The following ARHGAP15 variants were observed in gnomAD, a reference collection of about 807,000 sequenced individuals.
ARHGAP15 encodes the protein Rho GTPase activating protein 15.
A neutral mutation model predicts 63.7 loss-of-function variants in ARHGAP15; 51 were observed. The observed-to-expected ratio is 0.80, with a 90% confidence interval of 0.64 to 1.01. The LOEUF (loss-of-function observed/expected upper bound fraction) is 1.01, where lower values mean the gene tolerates loss of function less well. Ranked by LOEUF, ARHGAP15 falls within the 50% of genes least tolerant of loss-of-function variation. The probability of loss-of-function intolerance (pLI) is 0.00; values close to 1 mark genes in which losing one functional copy is unlikely to be tolerated. For missense variants in ARHGAP15, 560 were observed against 564.6 expected (o/e 0.99, Z 0.08); for synonymous variants, 191 against 193.8 (o/e 0.99, Z 0.12).
intron 6 of ARHGAP15, among the ~76,000 whole-genome samples, chr2:143,255,930 T>C (rs529611538): frequency 1.3e-5 from 2 of 152,254 alleles, no homozygotes; most frequent in East Asian, 3.9e-4. Context: ...CCCCAATCAT[T>C]TCATCTACCT....
intron 6 of ARHGAP15, among the ~76,000 whole-genome samples, chr2:143,386,304 A>G (rs1687284776): frequency 6.6e-6 from 1 of 152,178 alleles, no homozygotes; most frequent in South Asian, 2.1e-4. Flanking sequence ...CAAATATGCA[A>G]TTTTCCACTA....
At chr2:143,605,303 G>T (rs1414868899) in intron 11 of ARHGAP15, among the ~76,000 whole-genome samples, 3 of 152,162 alleles carry the variant, frequency 2.0e-5, no homozygotes, top group Non-Finnish European at 4.4e-5. Flanking sequence ...GAAGGATGGA[G>T]CTCTGACTCT....
chr2:143,434,476 G>A (rs959097659), intron 6 of ARHGAP15, among the ~76,000 whole-genome samples: 4 of 152,130 alleles, frequency 2.6e-5, no homozygotes, highest in African/African-American at 9.6e-5. Flanking sequence ...GAGCCATTTG[G>A]GGTAGTAATT....
chr2:143,432,167 G>A (rs56359133), intron 6 of ARHGAP15, among the ~76,000 whole-genome samples: 16,525 of 151,946 alleles, frequency 0.11, 1,233 homozygotes, highest in African/African-American at 0.21. Context: ...TCTACACAAT[G>A]AAGTATTATT....
At chr2:143,572,217 G>A (rs1290464224) in intron 11 of ARHGAP15, 1 of 152,162 alleles carries the variant, frequency 6.6e-6, no homozygotes, top group African/African-American at 2.4e-5. Context: ...ATTTCTGGGT[G>A]CCAAAATACT....
chr2:143,345,315 C>A (rs1315589708), intron 6 of ARHGAP15, among the ~76,000 whole-genome samples: 5 of 151,994 alleles, frequency 3.3e-5, no homozygotes, highest in Non-Finnish European at 7.4e-5. Context: ...TTTACTAATA[C>A]CCTTCAAATT....
Position 143,682,423 on chromosome 2 carries a change from G to A in ARHGAP15, c.1139-20996G>A, listed in dbSNP as rs936799985. Among the ~76,000 whole-genome samples, 10 of 152,098 alleles carry A rather than the reference G, an allele frequency of 6.6e-5. 1 individual carries two copies. The highest frequency in any genetic ancestry group is 2.4e-4 in the African/African-American group (10 of 41,388). ...AAATAATATAAAATCAGCAATGAAT[G>A]TGACTTTAAGAAATAGAATTGACTT... On this transcript the variant is annotated intron_variant, in intron 12 of 13. Coordinates refer to ENST00000295095, the MANE Select transcript of ARHGAP15 (RefSeq NM_018460.4).
chr2:143,666,375 G>C (rs1682185094), intron 12 of ARHGAP15, among the ~76,000 whole-genome samples: 1 of 152,146 alleles, frequency 6.6e-6, no homozygotes, highest in Admixed American at 6.5e-5. Context: ...TATGTACAAA[G>C]CTGAAACTGT....
At chr2:143,328,507 A>T (rs569407119) in intron 6 of ARHGAP15, among the ~76,000 whole-genome samples, 1 of 152,238 alleles carries the variant, frequency 6.6e-6, no homozygotes, top group South Asian at 2.1e-4. Flanking sequence ...CAAACACTGC[A>T]TGTTCTCATA....
chr2:143,534,425 C>T (rs539238978), intron 10 of ARHGAP15, among the ~76,000 whole-genome samples: 9 of 152,262 alleles, frequency 5.9e-5, no homozygotes, highest in Admixed American at 2.0e-4. Context: ...ACACAGACAA[C>T]GCCACATACA....
chr2:143,282,261 G>A (rs545988294), intron 6 of ARHGAP15, among the ~76,000 whole-genome samples: 28 of 152,022 alleles, frequency 1.8e-4, no homozygotes, highest in African/African-American at 6.5e-4. Flanking sequence ...CAAAAATAAG[G>A]CATGCATCCA....
intron 11 of ARHGAP15, among the ~76,000 whole-genome samples, chr2:143,568,124 A>T (rs1052732419): frequency 2.0e-5 from 3 of 152,158 alleles, no homozygotes; most frequent in Non-Finnish European, 2.9e-5. Flanking sequence ...GGACTTCATG[A>T]CTAAAACACC....
chr2:143,278,472 A>G (rs756678412), intron 6 of ARHGAP15, among the ~76,000 whole-genome samples: 12 of 152,148 alleles, frequency 7.9e-5, no homozygotes, highest in Non-Finnish European at 7.4e-5. Context: ...ACTAGTAAAG[A>G]AGAAAATGGC....
At chr2:143,684,259 A>AACCACCTTGT (rs1450936473) in intron 12 of ARHGAP15, among the ~76,000 whole-genome samples, 12 of 152,200 alleles carry the variant, frequency 7.9e-5, no homozygotes, top group Admixed American at 7.9e-4. Context: ...CCACCCTGAT[A>AACCACCTTGT]ACCACCTTGT....
chr2:143,336,161 G>T (rs556127104), intron 6 of ARHGAP15, among the ~76,000 whole-genome samples: 3 of 151,868 alleles, frequency 2.0e-5, no homozygotes, highest in African/African-American at 7.3e-5. Flanking sequence ...GCAGCACACC[G>T]CCACACCTGG....
intron 2 of ARHGAP15, among the ~76,000 whole-genome samples, chr2:143,179,095 A>G (rs1348703580): frequency 6.6e-6 from 1 of 152,178 alleles, no homozygotes; most frequent in Non-Finnish European, 1.5e-5. Context: ...GTGATTACCT[A>G]ATTTGGCTAA....
chr2:143,741,953 C>G (rs1685978885), intron 13 of ARHGAP15, among the ~76,000 whole-genome samples: 1 of 152,070 alleles, frequency 6.6e-6, no homozygotes, highest in Non-Finnish European at 1.5e-5. Context: ...GAAGAAAAAA[C>G]AATAAGCAGC....
intron 6 of ARHGAP15, among the ~76,000 whole-genome samples, chr2:143,340,476 C>CT (rs1685008154): frequency 6.6e-6 from 1 of 151,088 alleles, no homozygotes; most frequent in Non-Finnish European, 1.5e-5. Flanking sequence ...TTTTCATTTG[C>CT]TGTCTATTAT....
At chr2:143,327,030 A>G (rs1273349067) in intron 6 of ARHGAP15, among the ~76,000 whole-genome samples, 1 of 152,172 alleles carries the variant, frequency 6.6e-6, no homozygotes, top group Non-Finnish European at 1.5e-5. Context: ...CATCTCAACC[A>G]AAAATCTCCT....
Sources: allele counts gnomAD v4.1 joint callset (sites outside exome capture counted in the v4.1 genomes callset), GRCh38; gene constraint gnomAD v4.1.1; transcripts MANE v1.5; gene names NCBI Gene and HGNC (gene_info 2026-07-23, HGNC 2026-07-21).